Variants in RAB7B observed in about 807,000 individuals in gnomAD.
RAB7B encodes RAB7B, member RAS oncogene family.
chr1:205,990,686 G>GA (rs2102638844), intron 4 of RAB7B, among the ~76,000 whole-genome samples: 1 of 152,206 alleles, frequency 6.6e-6, no homozygotes, highest in African/African-American at 2.4e-5. Context: ...ACAGCGAAAT[G>GA]TTCCCAGTGG....
At position 206,002,913 on chromosome 1, in the gene RAB7B, C is replaced by T. The variant is rs1276311409; in HGVS notation, c.-17+340G>A. Among the ~76,000 whole-genome samples the T allele has an allele frequency of 3.3e-5, 5 of 152,210 alleles. No homozygotes were observed. The East Asian group carries it at 9.6e-4, about 29-fold the overall frequency. ...CTCTGGGTGCCAGCAGGGTTTTGCC[C>T]TCATGCAGGGCTCTAGTTTCTGGCA... On this transcript the variant is annotated intron_variant, in intron 1 of 5. Transcript: ENST00000617070.
At position 205,992,548 on chromosome 1, in the gene RAB7B, T is replaced by C. The variant is rs2102640178; in HGVS notation, c.328A>G (p.Ile110Val). 1.5e-5 allele frequency: 6 copies of C among 398,658 alleles called. No individual in the cohort carries two copies. In the East Asian group the frequency reaches 2.1e-4, roughly 14 times the overall value. 24.7% of individuals were successfully genotyped at this position (398,658 alleles called of 1,614,324 possible). ...GGGTAGGACTGCTCCATGGGGACAA[T>C]CTTGGCCAGGACATCACCCCGCCAG... is the stretch of plus-strand genomic sequence containing the variant. ...DIWRGDVLAK[I>V]VPMEQSYPMV... The change falls in exon 4 of 6, where the codon ATT becomes GTT. Residue 110 changes from isoleucine (I) to valine (V), a missense_variant. Ile to Val is a conservative substitution (Grantham distance 29). Transcript: ENST00000617070.
chr1:205,988,003 C>T (rs1660643667), intron 4 of RAB7B, among the ~76,000 whole-genome samples: 1 of 151,996 alleles, frequency 6.6e-6, no homozygotes, highest in Admixed American at 6.6e-5. Flanking sequence ...CCTCAGCCTC[C>T]CATAGTGCTG....
intron 4 of RAB7B, among the ~76,000 whole-genome samples, chr1:205,990,213 A>G (rs1329115557): frequency 6.6e-6 from 1 of 152,122 alleles, no homozygotes; most frequent in East Asian, 1.9e-4. Context: ...GCGTGGATAT[A>G]AAGCGCTTGA....
intron 4 of RAB7B, among the ~76,000 whole-genome samples, chr1:205,986,759 G>A (rs1023895340): frequency 2.0e-5 from 3 of 152,234 alleles, no homozygotes; most frequent in Non-Finnish European, 4.4e-5. Flanking sequence ...AGCATTTGCT[G>A]AGCCTGGTAC....
At position 205,988,550 on chromosome 1, in the gene RAB7B, A is replaced by G. The variant is rs913306198; in HGVS notation, c.397-2885T>C. Reference sequence around the variant, plus strand: ...GGGCCAAACTGCAGTACATTTTTATATACTCATTTTCTTCTTATTAGGTAG... The same window carrying G: ...GGGCCAAACTGCAGTACATTTTTATGTACTCATTTTCTTCTTATTAGGTAG... On this transcript the variant is annotated intron_variant, in intron 4 of 5. Transcript: ENST00000617070. Among the ~76,000 whole-genome samples, 929 of 152,234 alleles carry G rather than the reference A, an allele frequency of 6.1e-3. 6 individuals carry two copies. Among genetic ancestry groups the G allele is most frequent in the Middle Eastern group, 0.014 (4 of 294 alleles).
At chr1:205,997,504 G>T (rs972937642) in intron 1 of RAB7B, among the ~76,000 whole-genome samples, 3 of 152,204 alleles carry the variant, frequency 2.0e-5, no homozygotes, top group Admixed American at 6.5e-5. Flanking sequence ...GGGAGGAAAG[G>T]CTGGAAAGGA....
chr1:205,988,044 G>A (rs1436945643), intron 4 of RAB7B, among the ~76,000 whole-genome samples: 1 of 151,864 alleles, frequency 6.6e-6, no homozygotes, highest in Non-Finnish European at 1.5e-5. Context: ...CTGGCTCATT[G>A]TAACCATTTT....
chr1:205,980,873 C>A (rs1011176388), intron 5 of RAB7B, among the ~76,000 whole-genome samples: 28 of 143,388 alleles, frequency 2.0e-4, no homozygotes, highest in African/African-American at 6.2e-4. Flanking sequence ...TCCCCTCCCC[C>A]TTCCCCTTCA....
chr1:205,984,622 C>T (rs1219319887), intron 5 of RAB7B, among the ~76,000 whole-genome samples: 1 of 152,194 alleles, frequency 6.6e-6, no homozygotes, highest in African/African-American at 2.4e-5. Context: ...CACGCCACTG[C>T]TTCCAGGCAG....
chr1:206,000,598 T>A (rs1660876922), intron 1 of RAB7B, among the ~76,000 whole-genome samples: 1 of 152,208 alleles, frequency 6.6e-6, no homozygotes, highest in African/African-American at 2.4e-5. Flanking sequence ...ACATGTGTCA[T>A]GATCTTATAA....
chr1:206,001,757 A>G (rs1233684514), intron 1 of RAB7B, among the ~76,000 whole-genome samples: 1 of 152,112 alleles, frequency 6.6e-6, no homozygotes, highest in East Asian at 1.9e-4. Context: ...GGTCCTGCCC[A>G]TTTGCCAAAG....
Position 205,977,633 on chromosome 1 carries a change from G to A in RAB7B, c.*1218C>T, listed in dbSNP as rs1458459543. On this transcript the variant is annotated 3_prime_UTR_variant, in exon 6 of 6. Coordinates refer to ENST00000617070, the MANE Select transcript of RAB7B (RefSeq NM_001164522.3). ...CACCCAAGGGAGCTGGGTCCCCTTT[G>A]CTTTGTCTTTGGGACAGCAGCTTTG... 1 of 152,172 alleles carries A rather than the reference G, an allele frequency of 6.6e-6. No homozygotes were observed. Among genetic ancestry groups the A allele is most frequent in the Non-Finnish European group, 1.5e-5 (1 of 68,036 alleles). The allele number at this position is 152,172 out of a possible 1,614,324, so 9.4% of individuals were successfully genotyped here.
chr1:205,982,250 G>A (rs1660508035), intron 5 of RAB7B, among the ~76,000 whole-genome samples: 1 of 152,134 alleles, frequency 6.6e-6, no homozygotes, highest in South Asian at 2.1e-4. Flanking sequence ...CTAATCCATT[G>A]TCCCTTCATT....
At chr1:205,991,928 G>T (rs1006014525) in intron 4 of RAB7B, among the ~76,000 whole-genome samples, 6 of 152,194 alleles carry the variant, frequency 3.9e-5, no homozygotes, top group Non-Finnish European at 7.3e-5. Flanking sequence ...ACTGTCAAGT[G>T]GTTAACCCGA....
rs1660495532 is a variant in RAB7B, at chr1:205,981,720, C to G, written c.523-2792G>C. Among the ~76,000 whole-genome samples, 70 of 72,286 alleles carry G rather than the reference C, an allele frequency of 9.7e-4. 10 individuals are homozygous for G. The highest frequency in any genetic ancestry group is 6.8e-3 in the Middle Eastern group (1 of 146). The allele number at this position is 72,286 out of a possible 152,430, so 47.4% of individuals were successfully genotyped here. ...TGAACACCTACTGTGATTTCCTTCACAATGTTAACTGAACACCTACTCTGG... is the reference window on the plus strand; with the variant it reads ...TGAACACCTACTGTGATTTCCTTCAGAATGTTAACTGAACACCTACTCTGG... On this transcript the variant is annotated intron_variant, in intron 5 of 5. Coordinates refer to ENST00000617070, the MANE Select transcript of RAB7B (RefSeq NM_001164522.3).
intron 4 of RAB7B, among the ~76,000 whole-genome samples, chr1:205,991,147 C>T (rs1660715983): frequency 6.6e-6 from 1 of 152,186 alleles, no homozygotes; most frequent in Non-Finnish European, 1.5e-5. Context: ...TCCTGCTTCA[C>T]TCCTGACAGG....
At chr1:205,997,393 C>T (rs1437907864) in intron 1 of RAB7B, among the ~76,000 whole-genome samples, 1 of 152,042 alleles carries the variant, frequency 6.6e-6, no homozygotes, top group Non-Finnish European at 1.5e-5. Context: ...AGAAATGAAG[C>T]ATGTGGTTGG....
intron 4 of RAB7B, among the ~76,000 whole-genome samples, chr1:205,989,179 C>T (rs1467941739): frequency 6.6e-6 from 1 of 152,110 alleles, no homozygotes; most frequent in Non-Finnish European, 1.5e-5. Flanking sequence ...CCAGGGACCT[C>T]CCTGTCTGGC....
Sources: gnomAD v4.1 joint callset for allele counts (sites outside exome capture counted in the v4.1 genomes callset) on GRCh38, gnomAD v4.1.1 for gene constraint, MANE v1.5 for transcripts, NCBI Gene and HGNC (gene_info 2026-07-23, HGNC 2026-07-21) for gene names.